The following SUMO3 variants were observed in gnomAD, a reference collection of about 807,000 sequenced individuals.
SUMO3 encodes small ubiquitin-related modifier 3.
In SUMO3, 2 loss-of-function variants were observed where a neutral mutation model predicts 11.1. That is an observed-to-expected ratio of 0.18 (90% confidence interval 0.07 to 0.57). The LOEUF is 0.57. Ranked by LOEUF, SUMO3 falls within the 20% of genes least tolerant of loss-of-function variation. SUMO3 has a pLI of 0.92. For synonymous variants in SUMO3, 56 were observed against 53.5 expected (o/e 1.05, Z -0.20); for missense variants, 70 against 132.8 (o/e 0.53, Z 2.32).
In SUMO3 at chr21:44,818,008, AGC is replaced by A. The variant is rs1351641795; in HGVS notation, c.-42_-41del. ...CGCGGGGAGGCGGCGCGGGGGAAGC[AGC>A]GCGGAGCGGGCGAGTCACGCTCTCG... On this transcript the variant is annotated 5_prime_UTR_variant, in exon 1 of 4. Transcript: ENST00000332859. 2 of 1,169,892 alleles carry A rather than the reference AGC, an allele frequency of 1.7e-6. No individual in the cohort carries two copies. The highest frequency in any genetic ancestry group is 2.1e-6 in the Non-Finnish European group (2 of 949,438). The allele number at this position is 1,169,892 out of a possible 1,614,324, so 72.5% of individuals were successfully genotyped here.
chr21:44,817,913 A>G, intron 1 of SUMO3, 35 bp downstream of exon 1: 1 of 935,948 alleles, frequency 1.1e-6, no homozygotes, highest in Non-Finnish European at 1.2e-6. Flanking sequence ...GACGCCCGCG[A>G]TAGACGCGCG....
intron 1 of SUMO3, among the ~76,000 whole-genome samples, chr21:44,816,863 C>A (rs148125507): frequency 0.049 from 2,472 of 50,532 alleles, 89 homozygotes; most frequent in African/African-American, 0.16. Flanking sequence ...CACCGTGGGG[C>A]GTGATAGGGA....
chr21:44,809,943 T>C (rs531820530), intron 2 of SUMO3, among the ~76,000 whole-genome samples: 7 of 152,268 alleles, frequency 4.6e-5, no homozygotes, highest in African/African-American at 1.7e-4. Context: ...GCACCACTAC[T>C]TCCCCCCTTT....
intron 3 of SUMO3, chr21:44,808,331 T>C: frequency 5.1e-6 from 2 of 390,574 alleles, no homozygotes; most frequent in Admixed American, 4.6e-5. Flanking sequence ...GCTAACATGG[T>C]GAAACCCCGT....
At chr21:44,813,494 C>T (rs904921095) in intron 2 of SUMO3, 10 of 279,228 alleles carry the variant, frequency 3.6e-5, no homozygotes, top group East Asian at 2.1e-4. Flanking sequence ...GAAAGAATCA[C>T]GCGCTTTCTT....
rs2083203659 is a variant in SUMO3 at position 44,810,522 on chromosome 21, G to A, written c.151-1404C>T. On this transcript the variant is annotated intron_variant, in intron 2 of 3. Coordinates refer to ENST00000332859, the MANE Select transcript of SUMO3 (RefSeq NM_006936.3). The surrounding 1 kb of genome is among the most constrained non-coding windows in gnomAD (Gnocchi z 4.1). ...ATGAGATGTGCTTTCTGAGAAGGTG[G>A]GTGCGGAGCTCCAGGCGCAGGGCGG... Among the ~76,000 whole-genome samples, 1 of 152,214 alleles carries A rather than the reference G, an allele frequency of 6.6e-6. No homozygotes were observed. Among genetic ancestry groups the A allele is most frequent in the African/African-American group, 2.4e-5 (1 of 41,444 alleles).
chr21:44,806,945 G>T lies in SUMO3; in HGVS notation c.*6C>A. On this transcript the variant is annotated 3_prime_UTR_variant, in exon 4 of 4. Transcript: ENST00000332859. ...GGATGGACGGCCCGGGCTGGGGACG[G>T]GCCCTCTAGAAACTGTGCCCTGCCA... The T allele has an allele frequency of 6.2e-7, 1 of 1,614,034 alleles. No homozygotes were observed.
chr21:44,810,555 C>G lies in SUMO3; in HGVS notation c.151-1437G>C, dbSNP rs1276596566. ...GCTCCAGGCGCAGGGCGGAAACAGG[C>G]CCACGAAAGCGCGTGCCCTCAACAC... On this transcript the variant is annotated intron_variant, in intron 2 of 3. Transcript: ENST00000332859. The surrounding 1 kb of genome is among the most constrained non-coding windows in gnomAD (Gnocchi z 4.1). Among the ~76,000 whole-genome samples, 1 of 152,216 alleles carries G rather than the reference C, an allele frequency of 6.6e-6. No homozygotes were observed.
chr21:44,814,875 G>T (rs1295208757), intron 1 of SUMO3, among the ~76,000 whole-genome samples: 1 of 152,194 alleles, frequency 6.6e-6, no homozygotes, highest in Non-Finnish European at 1.5e-5. Context: ...GGCACAATCG[G>T]GGTGTCTTGT....
At chr21:44,816,433 G>A (rs1414624484) in intron 1 of SUMO3, among the ~76,000 whole-genome samples, 1 of 152,134 alleles carries the variant, frequency 6.6e-6, no homozygotes, top group African/African-American at 2.4e-5. Context: ...CTTCCATAGA[G>A]GCCGCGACCA....
rs116454398 is a variant in SUMO3 at position 44,810,262 on chromosome 21, G to A, written c.151-1144C>T. On this transcript the variant is annotated intron_variant, in intron 2 of 3. Transcript: ENST00000332859. This position sits in a 1 kb window ranked among gnomAD's most constrained non-coding sequence, Gnocchi z 4.1. ...CACAAACAGGAAGGACAAAGAAAAC[G>A]GGAGTGGGGATGGGCAGATATGTCA... Among the ~76,000 whole-genome samples, 1,561 of 152,310 alleles carry A rather than the reference G, an allele frequency of 0.01. 25 individuals carry two copies. Among genetic ancestry groups the A allele is most frequent in the African/African-American group, 0.035 (1,471 of 41,566 alleles).
Position 44,809,079 on chromosome 21 carries a change from G to A in SUMO3, c.190C>T (p.Gln64Ter), listed in dbSNP as rs1357768591. ...MRQIRFRFDG[Q>*]PINETDTPAQ... ...GGAGTGTCAGTTTCATTGATTGGCT[G>A]CCCGTCGAACCTGAATCTGATCTGC... The change falls in exon 3 of 4, where the codon CAG becomes TAG. Residue 64 changes from glutamine to a stop codon, truncating the protein, a stop_gained. Coordinates refer to ENST00000332859, the MANE Select transcript of SUMO3 (RefSeq NM_006936.3). LOFTEE classifies it high-confidence loss of function. 6.2e-7 allele frequency: 1 copy of A among 1,613,912 alleles called. No homozygotes were observed. The highest frequency in any genetic ancestry group is 1.3e-5 in the African/African-American group (1 of 74,860).
At chr21:44,809,361 C>T (rs745539728) in intron 2 of SUMO3, among the ~76,000 whole-genome samples, 2 of 152,242 alleles carry the variant, frequency 1.3e-5, no homozygotes, top group South Asian at 2.1e-4. Flanking sequence ...TCACGCGGTG[C>T]CTGACACCAC....
Sources: gnomAD v4.1 joint callset for allele counts (sites outside exome capture counted in the v4.1 genomes callset) on GRCh38, gnomAD v4.1.1 for gene constraint, Gnocchi (gnomAD v3.1) non-coding constraint, MANE v1.5 for transcripts, NCBI Gene and HGNC (gene_info 2026-07-23, HGNC 2026-07-21) for gene names.